The following KCNH5 variants were observed in gnomAD, a reference collection of about 807,000 sequenced individuals.
KCNH5 encodes voltage-gated delayed rectifier potassium channel KCNH5.
KCNH5 carries 46 observed loss-of-function variants against 96.1 expected under a neutral mutation model. The observed-to-expected ratio is 0.48, with a 90% CI of 0.38 to 0.61. The LOEUF (loss-of-function observed/expected upper bound fraction) is 0.61, where lower values mean the gene tolerates loss of function less well. KCNH5 is among the 20% of genes least tolerant of loss of function. The pLI is 0.00. For synonymous variants in KCNH5, 439 were observed against 449.8 expected (o/e 0.98, Z 0.30); for missense variants, 907 against 1,225.8 (o/e 0.74, Z 3.88).
At chr14:62,934,241 G>A (rs531991420) in intron 7 of KCNH5, among the ~76,000 whole-genome samples, 7 of 151,454 alleles carry the variant, frequency 4.6e-5, no homozygotes, top group Admixed American at 6.6e-5. Context: ...ATTCTTCTGC[G>A]TCAGCCTCCC....
intron 7 of KCNH5, among the ~76,000 whole-genome samples, chr14:62,935,902 T>A (rs977788359): frequency 2.0e-5 from 3 of 152,190 alleles, no homozygotes; most frequent in African/African-American, 7.2e-5. Context: ...TGGGAGAAAC[T>A]GCTCAGCCTA....
At chr14:62,902,149 C>T (rs1888939274) in intron 7 of KCNH5, among the ~76,000 whole-genome samples, 1 of 152,072 alleles carries the variant, frequency 6.6e-6, no homozygotes, top group African/African-American at 2.4e-5. Context: ...ATATTTTCTC[C>T]CATTATGTAG....
chr14:62,758,366 C>T (rs749677480), intron 10 of KCNH5, among the ~76,000 whole-genome samples: 6 of 151,938 alleles, frequency 3.9e-5, no homozygotes, highest in Non-Finnish European at 8.8e-5. Context: ...ATCCCAGAAA[C>T]CCCATAATAC....
chr14:62,920,600 C>A (rs1164687446), intron 7 of KCNH5, among the ~76,000 whole-genome samples: 2 of 152,058 alleles, frequency 1.3e-5, no homozygotes, highest in African/African-American at 4.8e-5. Flanking sequence ...TTAAAAATCA[C>A]TAGATTCAGT....
intron 10 of KCNH5, among the ~76,000 whole-genome samples, chr14:62,733,216 G>A (rs1395407886): frequency 6.6e-6 from 1 of 152,004 alleles, no homozygotes; most frequent in Non-Finnish European, 1.5e-5. Context: ...AACTGAATAT[G>A]TCCTCTTCCC....
At position 62,804,922 on chromosome 14, in the gene KCNH5, T is replaced by TTTCCACTCTGTC. The variant is rs568650371; in HGVS notation, c.1570-2353_1570-2342dup. The stretch of plus-strand genomic sequence containing the variant: ...TACAAAAGCAATTTTCTTTTTTCAC[T>TTTCCACTCTGTC]TTCCACTCTGTCTGCAGTCTTCATC... On this transcript the variant is annotated intron_variant, in intron 8 of 10. Coordinates refer to ENST00000322893, the MANE Select transcript of KCNH5 (RefSeq NM_139318.5). Among the ~76,000 whole-genome samples, 7 of 152,338 alleles carry TTTCCACTCTGTC rather than the reference T, an allele frequency of 4.6e-5. No individual in the cohort carries two copies. In the South Asian group the frequency reaches 6.2e-4, roughly 14 times the overall value.
intron 1 of KCNH5, among the ~76,000 whole-genome samples, chr14:63,035,832 C>G (rs1891711352): frequency 6.6e-6 from 1 of 152,202 alleles, no homozygotes; most frequent in Non-Finnish European, 1.5e-5. Context: ...TAGAGTAAGT[C>G]CTTACTGAGA....
At chr14:62,987,411 A>T (rs1950974) in intron 4 of KCNH5, among the ~76,000 whole-genome samples, 20,556 of 152,202 alleles carry the variant, frequency 0.14, 1,661 homozygotes, top group East Asian at 0.35. Flanking sequence ...TATTTTGCCC[A>T]TATCTGTGTA....
At chr14:63,021,845 T>C (rs1386735918) in intron 1 of KCNH5, among the ~76,000 whole-genome samples, 1 of 152,178 alleles carries the variant, frequency 6.6e-6, no homozygotes, top group Admixed American at 6.6e-5. Context: ...ATTCACTTGT[T>C]TCTCTGAACA....
intron 6 of KCNH5, among the ~76,000 whole-genome samples, chr14:62,972,306 T>A (rs2139558615): frequency 6.6e-6 from 1 of 152,296 alleles, no homozygotes; most frequent in Admixed American, 6.5e-5. Flanking sequence ...CAGATACCAC[T>A]ACACACCTGT....
intron 7 of KCNH5, among the ~76,000 whole-genome samples, chr14:62,879,907 T>G (rs531209216): frequency 3.3e-4 from 50 of 152,296 alleles, no homozygotes; most frequent in African/African-American, 1.2e-3. Flanking sequence ...GTCTACATAA[T>G]TTTTAAATTT....
At chr14:62,799,946 T>G (rs1049911427) in intron 9 of KCNH5, among the ~76,000 whole-genome samples, 1 of 147,634 alleles carries the variant, frequency 6.8e-6, no homozygotes, top group African/African-American at 2.5e-5. Flanking sequence ...CTATCAAAAA[T>G]GAGAAGAAGA....
At chr14:62,768,255 A>C (rs940654891) in intron 10 of KCNH5, among the ~76,000 whole-genome samples, 2 of 152,216 alleles carry the variant, frequency 1.3e-5, no homozygotes, top group African/African-American at 4.8e-5. Context: ...AACAAGGCCT[A>C]AGTAGTTAGG....
At chr14:62,925,309 T>G (rs1456236823) in intron 7 of KCNH5, among the ~76,000 whole-genome samples, 2 of 151,986 alleles carry the variant, frequency 1.3e-5, no homozygotes, top group East Asian at 3.9e-4. Context: ...AAAATGAAAA[T>G]AAACTACAAA....
At chr14:62,905,823 C>T (rs903016770) in intron 7 of KCNH5, among the ~76,000 whole-genome samples, 8 of 152,174 alleles carry the variant, frequency 5.3e-5, no homozygotes, top group East Asian at 1.9e-4. Flanking sequence ...AGGCTTTCAA[C>T]GCCATGATAA....
At chr14:62,892,515 A>G (rs1888730898) in intron 7 of KCNH5, among the ~76,000 whole-genome samples, 1 of 152,262 alleles carries the variant, frequency 6.6e-6, no homozygotes, top group Non-Finnish European at 1.5e-5. Context: ...TCATCTGGCC[A>G]AGATGCCTGG....
chr14:62,969,174 A>T (rs1213588404), intron 6 of KCNH5, among the ~76,000 whole-genome samples: 1 of 152,192 alleles, frequency 6.6e-6, no homozygotes, highest in African/African-American at 2.4e-5. Context: ...GAGTCAAAGA[A>T]GAAATCTCAA....
At chr14:63,028,641 G>T (rs903574049) in intron 1 of KCNH5, among the ~76,000 whole-genome samples, 24 of 152,066 alleles carry the variant, frequency 1.6e-4, no homozygotes, top group Non-Finnish European at 2.8e-4. Flanking sequence ...AAAGTAGGAA[G>T]ACTAGGAAGG....
At chr14:62,954,954 G>A (rs748337328) in intron 6 of KCNH5, among the ~76,000 whole-genome samples, 2 of 152,044 alleles carry the variant, frequency 1.3e-5, no homozygotes, top group Non-Finnish European at 2.9e-5. Flanking sequence ...TCTCCAACTG[G>A]TCCCTCTCAC....
Sources: gnomAD v4.1 joint callset for allele counts (sites outside exome capture counted in the v4.1 genomes callset) on GRCh38, gnomAD v4.1.1 for gene constraint, MANE v1.5 for transcripts, NCBI Gene and HGNC (gene_info 2026-07-23, HGNC 2026-07-21) for gene names.